The following NRROS variants were observed in gnomAD, a reference collection of about 807,000 sequenced individuals.
NRROS encodes transforming growth factor beta activator LRRC33.
In NRROS, 6 loss-of-function variants were observed where a neutral mutation model predicts 12.0. The ratio of observed to expected loss-of-function variants is 0.50; its 90% CI spans 0.27 to 0.98. NRROS has a LOEUF of 0.98. Among genes scored for constraint, NRROS ranks in the 50% least tolerant of loss-of-function variants. NRROS has a pLI of 0.11. For missense variants in NRROS, 857 were observed against 888.2 expected, an observed-to-expected ratio of 0.96 and a Z score of 0.45; for synonymous variants, 462 against 410.2, an observed-to-expected ratio of 1.13 and a Z score of -1.53.
rs757569746 is a variant in NRROS at position 196,660,340 on chromosome 3, G to A, written c.697G>A (p.Val233Ile). The change falls in exon 3 of 3, where the codon GTC becomes ATC. Residue 233 changes from valine (V) to isoleucine (I), a missense_variant. Transcript: ENST00000328557. The surrounding 1 kb of genome is among the most constrained non-coding windows in gnomAD (Gnocchi z 7.7). ...GCTCACGCGGCTGCGGGTCCTCAAC[G>A]TCAGCTACAACGTCCTGGAGTGGTT... ...FGLTRLRVLN[V>I]SYNVLEWFLA... is the part of the protein sequence containing the mutation. 7 of 1,613,928 alleles carry A rather than the reference G, an allele frequency of 4.3e-6. No individual in the cohort carries two copies. The highest frequency in any genetic ancestry group is 1.3e-5 in the African/African-American group (1 of 74,934).
chr3:196,642,504 T>C (rs34118408), intron 1 of NRROS, among the ~76,000 whole-genome samples: 33,967 of 152,078 alleles, frequency 0.22, 3,936 homozygotes, highest in South Asian at 0.24. Flanking sequence ...ATATTCCTAC[T>C]GGTTTGGCAT....
Position 196,661,099 on chromosome 3 carries a change from T to C in NRROS, c.1456T>C (p.Ser486Pro). The C allele has an allele frequency of 6.2e-7, 1 of 1,614,082 alleles. No individual in the cohort carries two copies. Among genetic ancestry groups the C allele is most frequent in the Non-Finnish European group, 8.5e-7 (1 of 1,179,986 alleles). The part of the protein sequence containing the change: ...ALPDCPFQGT[S>P]LTYLDLSSNW... ...GCCAGACTGCCCATTCCAAGGGACC[T>C]CCCTGACCTACTTAGACCTCTCAAG... The change falls in exon 3 of 3, where the codon TCC becomes CCC. Residue 486 changes from serine (S) to proline (P), a missense_variant. Physicochemically the swap from Ser to Pro is moderately conservative, Grantham distance 74. Transcript: ENST00000328557.
In NRROS at chr3:196,660,280, G is replaced by C; in HGVS notation, c.637G>C (p.Ala213Pro). 6.2e-7 allele frequency: 1 copy of C among 1,613,928 alleles called. No individual in the cohort carries two copies. Among genetic ancestry groups the C allele is most frequent in the Non-Finnish European group, 8.5e-7 (1 of 1,180,024 alleles). ...GGCTGAGCTGAGGCACCTCAACCTG[G>C]CCTTCAACAACCTCCCCTGCATCGT... Reference protein sequence around the residue: ...GLAELRHLNLAFNNLPCIVDF... With the variant: ...GLAELRHLNLPFNNLPCIVDF... Residue 213 changes from alanine to proline, a missense_variant, in exon 3 of 3, where the codon GCC becomes CCC. By Grantham distance (27) the Ala-to-Pro change is conservative (BLOSUM62 -1). Transcript: ENST00000328557. This position sits in a 1 kb window ranked among gnomAD's most constrained non-coding sequence, Gnocchi z 7.7.
rs1737698620 is a variant in NRROS, at chr3:196,661,947, TAA to T, written c.*226_*227del. The T allele has an allele frequency of 2.5e-6, 1 of 402,472 alleles. No individual in the cohort carries two copies. Among genetic ancestry groups the T allele is most frequent in the Admixed American group, 4.0e-5 (1 of 24,974 alleles). 24.9% of individuals were successfully genotyped at this position (402,472 alleles called of 1,614,324 possible). On this transcript the variant is annotated 3_prime_UTR_variant, in exon 3 of 3. Coordinates refer to ENST00000328557, the MANE Select transcript of NRROS (RefSeq NM_198565.3). ...CTCATTATCTTGGTAAAATATTTAT[TAA>T]GTGACTTTTTCAGAAATAAAAGGCA...
chr3:196,649,707 G>C (rs950898942), intron 1 of NRROS, among the ~76,000 whole-genome samples: 2 of 152,208 alleles, frequency 1.3e-5, no homozygotes, highest in South Asian at 4.1e-4. Context: ...TCCTGACCTC[G>C]TGATCACCCG....
At chr3:196,657,985 C>G (rs554100723) in intron 2 of NRROS, among the ~76,000 whole-genome samples, 5 of 152,126 alleles carry the variant, frequency 3.3e-5, no homozygotes, top group African/African-American at 1.2e-4. Context: ...GCGAAAATGA[C>G]GAGTATAATT....
intron 1 of NRROS, among the ~76,000 whole-genome samples, chr3:196,651,985 G>A (rs1014825450): frequency 1.3e-5 from 2 of 152,120 alleles, no homozygotes; most frequent in Non-Finnish European, 2.9e-5. Flanking sequence ...GCAGTTTGAG[G>A]CCAGGTGACA....
chr3:196,651,778 C>T (rs1232258545), intron 1 of NRROS, among the ~76,000 whole-genome samples: 1 of 152,006 alleles, frequency 6.6e-6, no homozygotes, highest in Non-Finnish European at 1.5e-5. Flanking sequence ...AAAAACAAAA[C>T]AAAACGAACA....
intron 1 of NRROS, among the ~76,000 whole-genome samples, chr3:196,643,325 C>T (rs115807911): frequency 6.6e-6 from 1 of 152,082 alleles, no homozygotes; most frequent in African/African-American, 2.4e-5. Context: ...TCAGAGTGAA[C>T]AGAGTGAAGA....
chr3:196,653,234 T>C (rs1577632789), intron 1 of NRROS, among the ~76,000 whole-genome samples: 3 of 152,188 alleles, frequency 2.0e-5, no homozygotes, highest in South Asian at 4.1e-4. Context: ...AAATTCTGCA[T>C]TGGAGGTTCT....
chr3:196,647,170 T>C (rs1238667286), intron 1 of NRROS, among the ~76,000 whole-genome samples: 6 of 152,214 alleles, frequency 3.9e-5, no homozygotes, highest in Admixed American at 2.0e-4. Flanking sequence ...TTTTAAAATA[T>C]TTTTATGTAC....
chr3:196,641,272 G>T (rs1266000468), intron 1 of NRROS, among the ~76,000 whole-genome samples: 2 of 151,824 alleles, frequency 1.3e-5, no homozygotes, highest in African/African-American at 4.8e-5. Context: ...GGAGTTCTGT[G>T]GCACGATCAC....
intron 1 of NRROS, among the ~76,000 whole-genome samples, chr3:196,648,766 CAAA>C (rs34359599): frequency 6.5e-4 from 49 of 74,812 alleles, no homozygotes; most frequent in African/African-American, 1.8e-3. Flanking sequence ...AACTCCATCT[CAAA>C]AAAAAAAAAA....
Position 196,654,680 on chromosome 3 carries a change from G to C in NRROS, c.108+33G>C. 1 of 1,344,068 alleles carries C rather than the reference G, an allele frequency of 7.4e-7. No homozygotes were observed. The highest frequency in any genetic ancestry group is 2.3e-5 in the East Asian group (1 of 43,758). 83.3% of individuals were successfully genotyped at this position (1,344,068 alleles called of 1,614,324 possible). A position where few individuals can be genotyped will look rare whatever the true frequency, so the allele number is the denominator to read the frequency against. ...TCCCTTGAACCCTGATCTGTCGGCT[G>C]CTCCTGTCCTGACAAGGCTTGGTCC... On this transcript the variant is annotated intron_variant, in intron 2 of 2. Transcript: ENST00000328557. The surrounding 1 kb of genome is among the most constrained non-coding windows in gnomAD (Gnocchi z 4.4).
intron 1 of NRROS, among the ~76,000 whole-genome samples, chr3:196,651,741 G>A (rs754762643): frequency 1.9e-4 from 29 of 152,102 alleles, no homozygotes; most frequent in Middle Eastern, 3.2e-3. Context: ...ACTCCAACCT[G>A]GGCAACAAGA....
At chr3:196,649,329 C>T (rs1737367462) in intron 1 of NRROS, among the ~76,000 whole-genome samples, 1 of 152,198 alleles carries the variant, frequency 6.6e-6, no homozygotes, top group African/African-American at 2.4e-5. Flanking sequence ...CAGTCAAAGG[C>T]AGACTCCCTT....
chr3:196,647,976 G>A (rs1262798406), intron 1 of NRROS, among the ~76,000 whole-genome samples: 1 of 152,150 alleles, frequency 6.6e-6, no homozygotes, highest in Non-Finnish European at 1.5e-5. Context: ...TGCTGGGATT[G>A]CAGGTGTGAG....
intron 2 of NRROS, among the ~76,000 whole-genome samples, chr3:196,655,819 G>T (rs1737528445): frequency 6.6e-6 from 1 of 152,190 alleles, no homozygotes; most frequent in Admixed American, 6.5e-5. Flanking sequence ...TCCAAACTGA[G>T]AAATTTCCAG....
rs76036994 is a variant in NRROS, at chr3:196,642,292, GAA to G, written c.-14+2427_-14+2428del. On this transcript the variant is annotated intron_variant, in intron 1 of 2. Transcript: ENST00000328557. ...AACGTAAATATGCTTCGGCAAAAAA[GAA>G]AAAAAAAAAGGATTTATTGTTTCAA... 9.9e-4 allele frequency among the ~76,000 whole-genome samples: 142 copies of G among 143,542 alleles called. 4 individuals are homozygous for G. Among genetic ancestry groups the G allele is most frequent in the Non-Finnish European group, 9.2e-4 (62 of 67,172 alleles). 94.2% of individuals were successfully genotyped at this position (143,542 alleles called of 152,430 possible).
Sources: gnomAD v4.1 joint callset for allele counts (sites outside exome capture counted in the v4.1 genomes callset) on GRCh38, gnomAD v4.1.1 for gene constraint, Gnocchi (gnomAD v3.1) non-coding constraint, MANE v1.5 for transcripts, NCBI Gene and HGNC (gene_info 2026-07-23, HGNC 2026-07-21) for gene names.